ZNF410: variants seen among roughly 807,000 people sequenced by gnomAD.
The protein encoded by ZNF410 is another partner for ARF 1.
In ZNF410, 18 loss-of-function variants were observed where a neutral mutation model predicts 54.8. That is an observed-to-expected ratio of 0.33 (90% CI 0.23 to 0.49). The LOEUF is 0.49. Among genes scored for constraint, ZNF410 ranks in the 20% least tolerant of loss-of-function variants. ZNF410 has a pLI of 0.99. For missense variants in ZNF410, 405 were observed against 569.6 expected (o/e 0.71, Z 2.94); for synonymous variants, 191 against 207.3 (o/e 0.92, Z 0.68).
At chr14:73,911,334 G>C (rs1284779045) in intron 8 of ZNF410, among the ~76,000 whole-genome samples, 3 of 152,110 alleles carry the variant, frequency 2.0e-5, no homozygotes, top group Non-Finnish European at 4.4e-5. Context: ...GGAAACAAGG[G>C]GAAGCCAGAA....
At chr14:73,921,175 CTGCT>C in intron 9 of ZNF410, 70 bp downstream of exon 9, 1 of 1,578,494 alleles carries the variant, frequency 6.3e-7, no homozygotes, top group African/African-American at 1.4e-5. Flanking sequence ...ACTGTCCTGC[CTGCT>C]TATCTGGAAA....
At chr14:73,903,003 G>A (rs1036521906) in intron 5 of ZNF410, among the ~76,000 whole-genome samples, 1 of 152,202 alleles carries the variant, frequency 6.6e-6, no homozygotes, top group Admixed American at 6.5e-5. Context: ...AAATTGGAAG[G>A]TGGTTCTTAG....
intron 8 of ZNF410, among the ~76,000 whole-genome samples, chr14:73,911,232 A>C (rs993712201): frequency 7.2e-5 from 11 of 152,164 alleles, no homozygotes; most frequent in Non-Finnish European, 1.5e-4. Context: ...GATGGAGGTT[A>C]ATCAGAGCAG....
chr14:73,901,292 C>T (rs968309057), intron 5 of ZNF410, among the ~76,000 whole-genome samples: 6 of 152,124 alleles, frequency 3.9e-5, no homozygotes, highest in Admixed American at 6.5e-5. Flanking sequence ...ATACGGCAGC[C>T]GGGCGCAGTG....
chr14:73,921,148 G>A, intron 9 of ZNF410, 43 bp downstream of exon 9: 1 of 1,606,458 alleles, frequency 6.2e-7, no homozygotes, highest in Non-Finnish European at 8.5e-7. Context: ...TACTTCTAGG[G>A]TTCCAAGAGC....
intron 7 of ZNF410, chr14:73,906,533 T>G (rs2055493521): frequency 6.6e-6 from 1 of 152,236 alleles, no homozygotes; most frequent in African/African-American, 2.4e-5. Context: ...CAGGCTGGAG[T>G]GCAGTGATGC....
At chr14:73,919,891 T>TTG (rs2055730734) in intron 8 of ZNF410, among the ~76,000 whole-genome samples, 1 of 138,922 alleles carries the variant, frequency 7.2e-6, no homozygotes, top group Non-Finnish European at 1.5e-5. Context: ...TATAGGTTTT[T>TTG]TTTTTTTTTT....
intron 10 of ZNF410, among the ~76,000 whole-genome samples, chr14:73,923,167 ATAT>A: frequency 6.6e-6 from 1 of 152,276 alleles, no homozygotes; most frequent in South Asian, 2.1e-4. Context: ...TGCTAACACC[ATAT>A]TATTCTAAAT....
At chr14:73,924,651 G>C (rs925576711) in intron 11 of ZNF410, 3 of 441,728 alleles carry the variant, frequency 6.8e-6, no homozygotes, top group Non-Finnish European at 1.3e-5. Context: ...AGTTTTTATG[G>C]TGCTCTTCCG....
intron 11 of ZNF410, chr14:73,927,090 T>TA (rs59701353): frequency 5.2e-5 from 2 of 38,604 alleles, no homozygotes; most frequent in African/African-American, 1.9e-4. Flanking sequence ...TTTATTATGA[T>TA]TTTTTTTTTT....
At chr14:73,896,903 C>CT (rs564833995) in intron 4 of ZNF410, among the ~76,000 whole-genome samples, 63 of 152,196 alleles carry the variant, frequency 4.1e-4, no homozygotes, top group African/African-American at 1.5e-3. Context: ...TGTTTTGGTG[C>CT]TTATCAGCAT....
Position 73,906,308 on chromosome 14 carries a change from C to CT in ZNF410, c.913+1236dup, listed in dbSNP as rs369772096. On this transcript the variant is annotated intron_variant, in intron 7 of 11. Coordinates refer to ENST00000555044, the MANE Select transcript of ZNF410 (RefSeq NM_021188.3). ...CTTGAGCCACTGTGCCCAGCCTATA[C>CT]TTTTTTTTTTTAATTAGTCAAATGC... 614 of 146,400 alleles carry CT rather than the reference C, an allele frequency of 4.2e-3. 1 individual carries two copies. The highest frequency in any genetic ancestry group is 0.014 in the African/African-American group (555 of 40,160). The allele number at this position is 146,400 out of a possible 1,614,324, so 9.1% of individuals were successfully genotyped here.
At chr14:73,914,321 A>C (rs1306052680) in intron 8 of ZNF410, 1 of 152,098 alleles carries the variant, frequency 6.6e-6, no homozygotes, top group African/African-American at 2.4e-5. Flanking sequence ...TTACAGGCAT[A>C]CACCACCACA....
At chr14:73,918,338 G>C (rs2055700457) in intron 8 of ZNF410, among the ~76,000 whole-genome samples, 1 of 152,124 alleles carries the variant, frequency 6.6e-6, no homozygotes, top group African/African-American at 2.4e-5. Flanking sequence ...GACCTCAAGT[G>C]ATCTACCTGC....
chr14:73,923,616 C>G, intron 11 of ZNF410, 94 bp downstream of exon 11: 1 of 1,475,172 alleles, frequency 6.8e-7, no homozygotes. Context: ...GTTTCCATTT[C>G]CTGGAAACTT....
At position 73,907,427 on chromosome 14, in the gene ZNF410, A is replaced by G. The variant is rs151011496; in HGVS notation, c.914-1914A>G. On this transcript the variant is annotated intron_variant, in intron 7 of 11. Transcript: ENST00000555044. ...AGCTTGGCCAACACGGTGAAACCCC[A>G]TCTCCACTAAAAATACAGTTAGCCA... Among the ~76,000 whole-genome samples the G allele has an allele frequency of 6.2e-3, 950 of 152,104 alleles. 15 individuals carry two copies. Among genetic ancestry groups the G allele is most frequent in the African/African-American group, 0.022 (911 of 41,478 alleles).
In ZNF410 at chr14:73,905,991, A is replaced by ATATATATATATG. The variant is rs1491231212; in HGVS notation, c.913+912_913+913insTATATATGTATA. Among the ~76,000 whole-genome samples, 325 of 141,698 alleles carry ATATATATATATG rather than the reference A, an allele frequency of 2.3e-3. 1 individual carries two copies. The highest frequency in any genetic ancestry group is 8.3e-3 in the African/African-American group (301 of 36,080). The allele number at this position is 141,698 out of a possible 152,430, so 93.0% of individuals were successfully genotyped here. ...CACATATATATATATATATATATAT[A>ATATATATATATG]TATACACACATACTTTTTTTTTTTT... On this transcript the variant is annotated intron_variant, in intron 7 of 11. Coordinates refer to ENST00000555044, the MANE Select transcript of ZNF410 (RefSeq NM_021188.3).
chr14:73,912,169 CT>C (rs34162465), intron 8 of ZNF410, among the ~76,000 whole-genome samples: 51,087 of 128,288 alleles, frequency 0.4, 10,794 homozygotes, highest in East Asian at 0.83. Flanking sequence ...CTTTCACTTT[CT>C]TTTTTTTTTT....
At chr14:73,901,725 G>T (rs2055409692) in intron 5 of ZNF410, among the ~76,000 whole-genome samples, 1 of 151,200 alleles carries the variant, frequency 6.6e-6, no homozygotes, top group African/African-American at 2.4e-5. Flanking sequence ...GAGCTCAGGA[G>T]ACCAGCCTGG....
Sources: gnomAD v4.1 joint callset for allele counts (sites outside exome capture counted in the v4.1 genomes callset) on GRCh38, gnomAD v4.1.1 for gene constraint, MANE v1.5 for transcripts, NCBI Gene and HGNC (gene_info 2026-07-23, HGNC 2026-07-21) for gene names.